Variants in SGCZ observed in about 807,000 individuals in gnomAD.
SGCZ encodes the protein zeta-sarcoglycan.
A neutral mutation model predicts 41.3 loss-of-function variants in SGCZ; 40 were observed. The ratio of observed to expected loss-of-function variants is 0.97; its 90% CI spans 0.75 to 1.26. The LOEUF (loss-of-function observed/expected upper bound fraction) is 1.26, where lower values mean the gene tolerates loss of function less well. SGCZ is among the 50% of genes most tolerant of loss of function. The pLI is 0.00. For missense variants in SGCZ, 552 were observed against 369.8 expected, an observed-to-expected ratio of 1.49 and a Z score of -4.04; for synonymous variants, 206 against 137.5, an observed-to-expected ratio of 1.50 and a Z score of -3.49.
chr8:14,342,862 G>A (rs1022173491), intron 2 of SGCZ, among the ~76,000 whole-genome samples: 3 of 152,168 alleles, frequency 2.0e-5, no homozygotes, highest in Non-Finnish European at 2.9e-5. Context: ...CCATGACAGC[G>A]ACCTTCACCG....
chr8:15,069,860 G>C (rs926521188), intron 1 of SGCZ, among the ~76,000 whole-genome samples: 1 of 151,882 alleles, frequency 6.6e-6, no homozygotes, highest in South Asian at 2.1e-4. Flanking sequence ...TTTAATACCT[G>C]TGCTCTTTTC....
At chr8:15,197,503 T>C (rs187076420) in intron 1 of SGCZ, among the ~76,000 whole-genome samples, 31 of 152,316 alleles carry the variant, frequency 2.0e-4, no homozygotes, top group Non-Finnish European at 3.4e-4. Context: ...TCTTCGCAGA[T>C]AGAATTCTCA....
In SGCZ at chr8:14,089,039, A is replaced by G. The variant is rs1801609472; in HGVS notation, c.*1404T>C. Reference sequence around the variant, plus strand: ...CATCTTCCCATAATAGGAAATACTTAATACAGTTTTACATTCTTTGACTCT... The same window carrying G: ...CATCTTCCCATAATAGGAAATACTTGATACAGTTTTACATTCTTTGACTCT... On this transcript the variant is annotated 3_prime_UTR_variant, in exon 8 of 8. Coordinates refer to ENST00000382080, the MANE Select transcript of SGCZ (RefSeq NM_139167.4). Among the ~76,000 whole-genome samples, 1 of 152,010 alleles carries G rather than the reference A, an allele frequency of 6.6e-6. No homozygotes were observed. Among genetic ancestry groups the G allele is most frequent in the Non-Finnish European group, 1.5e-5 (1 of 67,940 alleles).
intron 1 of SGCZ, among the ~76,000 whole-genome samples, chr8:15,203,096 C>T (rs570306561): frequency 1.3e-5 from 2 of 151,694 alleles, no homozygotes; most frequent in Non-Finnish European, 2.9e-5. Flanking sequence ...GGTGACAGAA[C>T]AAGACTCAGT....
chr8:14,856,879 T>C (rs1433382526), intron 1 of SGCZ, among the ~76,000 whole-genome samples: 1 of 152,104 alleles, frequency 6.6e-6, no homozygotes, highest in Non-Finnish European at 1.5e-5. Context: ...TGCACACCCA[T>C]ACACATATCT....
At chr8:14,804,658 G>A (rs1801461162) in intron 1 of SGCZ, among the ~76,000 whole-genome samples, 1 of 143,688 alleles carries the variant, frequency 7.0e-6, no homozygotes, top group Non-Finnish European at 1.5e-5. Context: ...ACACTCTACA[G>A]GATATTATCC....
chr8:14,647,296 T>C (rs1465145593), intron 1 of SGCZ, among the ~76,000 whole-genome samples: 2 of 152,042 alleles, frequency 1.3e-5, no homozygotes, highest in Admixed American at 1.3e-4. Context: ...GCATTAACCA[T>C]GACATCATTG....
chr8:14,326,070 C>A (rs1305913754), intron 2 of SGCZ, among the ~76,000 whole-genome samples: 1 of 125,004 alleles, frequency 8.0e-6, no homozygotes, highest in African/African-American at 3.0e-5. Context: ...CGAGATCGCT[C>A]CACTGAACTC....
intron 1 of SGCZ, among the ~76,000 whole-genome samples, chr8:14,877,700 T>G (rs1422094214): frequency 1.3e-5 from 2 of 152,166 alleles, no homozygotes; most frequent in African/African-American, 2.4e-5. Flanking sequence ...CTTTTTAACT[T>G]ATCCATCCAA....
intron 5 of SGCZ, among the ~76,000 whole-genome samples, chr8:14,130,630 T>C (rs1362744440): frequency 6.6e-6 from 1 of 152,182 alleles, no homozygotes; most frequent in Non-Finnish European, 1.5e-5. Context: ...AAGAGAGTCC[T>C]TGGTGGGATT....
At chr8:14,529,779 G>C (rs1299896123) in intron 2 of SGCZ, among the ~76,000 whole-genome samples, 2 of 151,956 alleles carry the variant, frequency 1.3e-5, no homozygotes, top group Non-Finnish European at 2.9e-5. Flanking sequence ...TGGAGTCCTT[G>C]ATAAACTCTT....
chr8:14,137,709 G>A (rs1366499624), intron 5 of SGCZ, among the ~76,000 whole-genome samples: 4 of 152,192 alleles, frequency 2.6e-5, no homozygotes, highest in Non-Finnish European at 5.9e-5. Flanking sequence ...TCTGATTGGT[G>A]TACCTAAAAG....
intron 1 of SGCZ, among the ~76,000 whole-genome samples, chr8:14,871,740 G>A (rs966319126): frequency 6.6e-6 from 1 of 151,894 alleles, no homozygotes; most frequent in Non-Finnish European, 1.5e-5. Flanking sequence ...GGAGGCAGGG[G>A]TTGCAGTGAG....
intron 1 of SGCZ, among the ~76,000 whole-genome samples, chr8:15,200,552 G>C (rs535958214): frequency 6.6e-6 from 1 of 152,278 alleles, no homozygotes; most frequent in South Asian, 2.1e-4. Flanking sequence ...ACATTCATGA[G>C]AAGTAACTAC....
chr8:15,119,808 C>T (rs1807410630), intron 1 of SGCZ, among the ~76,000 whole-genome samples: 1 of 151,974 alleles, frequency 6.6e-6, no homozygotes, highest in African/African-American at 2.4e-5. Flanking sequence ...TTCTCAATTC[C>T]ACTTTTATAT....
At chr8:14,787,298 T>C (rs1800799273) in intron 1 of SGCZ, among the ~76,000 whole-genome samples, 1 of 152,152 alleles carries the variant, frequency 6.6e-6, no homozygotes, top group South Asian at 2.1e-4. Flanking sequence ...CTTAGAGTTG[T>C]GCAAACCTCC....
chr8:14,280,560 GT>G (rs1800388885), intron 3 of SGCZ, among the ~76,000 whole-genome samples: 2 of 151,954 alleles, frequency 1.3e-5, no homozygotes, highest in Admixed American at 1.3e-4. Context: ...TAGTGGTATT[GT>G]TTCTAAGCCC....
At chr8:14,405,674 A>G (rs548812876) in intron 2 of SGCZ, among the ~76,000 whole-genome samples, 2 of 152,254 alleles carry the variant, frequency 1.3e-5, no homozygotes, top group Admixed American at 6.5e-5. Context: ...GTGTTTTGTG[A>G]CCATATCAAA....
chr8:14,432,791 G>T (rs765067924), intron 2 of SGCZ, among the ~76,000 whole-genome samples: 6 of 151,916 alleles, frequency 3.9e-5, no homozygotes, highest in Non-Finnish European at 8.8e-5. Context: ...GAGGGCAACT[G>T]CAGTCCCAGC....
Sources: allele counts gnomAD v4.1 joint callset (sites outside exome capture counted in the v4.1 genomes callset), GRCh38; gene constraint gnomAD v4.1.1; transcripts MANE v1.5; gene names NCBI Gene and HGNC (gene_info 2026-07-23, HGNC 2026-07-21).